Variants in DAAM2 observed in about 807,000 individuals in gnomAD.
DAAM2 encodes dishevelled associated activator of morphogenesis 2, also known as disheveled-associated activator of morphogenesis 2.
DAAM2 carries 39 observed loss-of-function variants against 120.7 expected under a neutral mutation model. The ratio of observed to expected loss-of-function variants is 0.32; its 90% confidence interval spans 0.25 to 0.42. DAAM2 has a LOEUF of 0.42. Among genes scored for constraint, DAAM2 ranks in the 10% least tolerant of loss-of-function variants. The probability of loss-of-function intolerance (pLI) is 1.00; values close to 1 mark genes in which losing one functional copy is unlikely to be tolerated. For synonymous variants in DAAM2, 488 were observed against 524.9 expected (o/e 0.93, Z 0.96); for missense variants, 1,283 against 1,401.7 (o/e 0.92, Z 1.35).
chr6:39,878,560 A>G lies in DAAM2; in HGVS notation c.1517A>G (p.Glu506Gly). 6.2e-7 allele frequency: 1 copy of G among 1,608,356 alleles called. No homozygotes were observed. The highest frequency in any genetic ancestry group is 8.5e-7 in the Non-Finnish European group (1 of 1,177,540). Residue 506 changes from glutamate to glycine, a missense_variant, in exon 13 of 25, where the codon GAG becomes GGG. By Grantham distance (98) the Glu-to-Gly change is moderately conservative (BLOSUM62 -2). Coordinates refer to ENST00000274867, the MANE Select transcript of DAAM2 (RefSeq NM_001201427.2). The surrounding 1 kb of genome is among the most constrained non-coding windows in gnomAD (Gnocchi z 5.0). Reference protein sequence around the residue: ...ELRQARGQVAELVAQLSELST... With the variant: ...ELRQARGQVAGLVAQLSELST... ...CGCCAGGCTCGGGGACAAGTGGCAGAGCTGGTAGCCCAGCTCAGTGAACTC... is the reference window on the plus strand; with the variant it reads ...CGCCAGGCTCGGGGACAAGTGGCAGGGCTGGTAGCCCAGCTCAGTGAACTC...
chr6:39,826,573 T>C (rs1485767715), intron 1 of DAAM2, among the ~76,000 whole-genome samples: 1 of 152,152 alleles, frequency 6.6e-6, no homozygotes, highest in Non-Finnish European at 1.5e-5. Flanking sequence ...ACATATCCAA[T>C]TTGCCTCACG....
chr6:39,852,555 T>G (rs1402603556), intron 1 of DAAM2, among the ~76,000 whole-genome samples: 1 of 152,206 alleles, frequency 6.6e-6, no homozygotes, highest in East Asian at 1.9e-4. Context: ...GGGCGAGTCT[T>G]ACCTTGCTGG....
intron 1 of DAAM2, among the ~76,000 whole-genome samples, chr6:39,806,346 G>A (rs950339898): frequency 3.3e-5 from 5 of 152,132 alleles, no homozygotes; most frequent in South Asian, 2.1e-4. Flanking sequence ...TGGTCAATAC[G>A]TGGTGCTTCT....
chr6:39,889,654 C>A lies in DAAM2; in HGVS notation c.2145+891C>A, dbSNP rs148726956. On this transcript the variant is annotated intron_variant, in intron 17 of 24. Coordinates refer to ENST00000274867, the MANE Select transcript of DAAM2 (RefSeq NM_001201427.2). Reference sequence around the variant, plus strand: ...TGGAGGCATTGACCCTCCATGCAGTCAAAAATCCACATATAACTTTTGACT... The same window carrying A: ...TGGAGGCATTGACCCTCCATGCAGTAAAAAATCCACATATAACTTTTGACT... Among the ~76,000 whole-genome samples the A allele has an allele frequency of 4.3e-3, 652 of 152,246 alleles. 3 individuals carry two copies. Among genetic ancestry groups the A allele is most frequent in the African/African-American group, 0.014 (586 of 41,530 alleles).
chr6:39,901,586 A>G lies in DAAM2; in HGVS notation c.2982+114A>G. On this transcript the variant is annotated intron_variant, in intron 24 of 24. Transcript: ENST00000274867. The surrounding 1 kb of genome is among the most constrained non-coding windows in gnomAD (Gnocchi z 4.5). ...AGAGACTGAGGAACTGAGGAACACC[A>G]TAGGGGTTGGATGTCAGCCCCAGGA... The G allele has an allele frequency of 2.4e-6, 3 of 1,237,202 alleles. No individual in the cohort carries two copies. The highest frequency in any genetic ancestry group is 2.8e-4 in the Middle Eastern group (1 of 3,528). 76.6% of individuals were successfully genotyped at this position (1,237,202 alleles called of 1,614,324 possible).
intron 2 of DAAM2, among the ~76,000 whole-genome samples, chr6:39,858,046 C>T (rs1040328045): frequency 6.6e-5 from 10 of 151,896 alleles, no homozygotes; most frequent in Non-Finnish European, 1.0e-4. Context: ...ACATTTCCAC[C>T]GAGATGATTA....
In DAAM2 at chr6:39,891,841, AAAAC is replaced by A. The variant is rs1765742676; in HGVS notation, c.2341+123_2341+126del. On this transcript the variant is annotated intron_variant, in intron 19 of 24. Transcript: ENST00000274867. ...CTTTCTTATTCTCAACCCAAAAACA[AAAAC>A]AAAAAGTCAAAGACAAAATCTAAAA... 11 of 780,294 alleles carry A rather than the reference AAAAC, an allele frequency of 1.4e-5. No individual in the cohort carries two copies. The Admixed American group carries it at 2.1e-4, about 15-fold the overall frequency. 48.3% of individuals were successfully genotyped at this position (780,294 alleles called of 1,614,324 possible). A position where few individuals can be genotyped will look rare whatever the true frequency, so the allele number is the denominator to read the frequency against.
intron 4 of DAAM2, 110 bp downstream of exon 4, chr6:39,864,617 A>G (rs927579745): frequency 1.2e-6 from 1 of 806,688 alleles, no homozygotes; most frequent in Non-Finnish European, 1.9e-6. Context: ...ACTGCTCCTC[A>G]GCGCCCCACT....
chr6:39,852,907 G>A (rs1220014719), intron 1 of DAAM2, among the ~76,000 whole-genome samples: 1 of 152,210 alleles, frequency 6.6e-6, no homozygotes, highest in Non-Finnish European at 1.5e-5. Flanking sequence ...TCCTACTGAT[G>A]AGGAGAAGGA....
At chr6:39,816,785 C>T (rs1170290729) in intron 1 of DAAM2, among the ~76,000 whole-genome samples, 2 of 152,182 alleles carry the variant, frequency 1.3e-5, no homozygotes, top group Non-Finnish European at 2.9e-5. Context: ...TCAAAGGCTC[C>T]ACACTTAACC....
At chr6:39,833,443 T>G (rs955612372) in intron 1 of DAAM2, among the ~76,000 whole-genome samples, 18 of 152,124 alleles carry the variant, frequency 1.2e-4, no homozygotes, top group African/African-American at 4.1e-4. Context: ...TGGCTGAGAT[T>G]ATGAGTGTGC....
At chr6:39,844,992 T>C (rs202214166) in intron 1 of DAAM2, among the ~76,000 whole-genome samples, 1 of 133,120 alleles carries the variant, frequency 7.5e-6, no homozygotes, top group Admixed American at 7.5e-5. Context: ...TCACACACAC[T>C]ACACACACCA....
At chr6:39,887,623 T>A in intron 16 of DAAM2, 31 bp downstream of exon 16, 1 of 1,498,284 alleles carries the variant, frequency 6.7e-7, no homozygotes, top group Non-Finnish European at 9.3e-7. Context: ...TTGAGTTGGA[T>A]GCCTGGGGGA....
intron 1 of DAAM2, chr6:39,848,786 C>T (rs1763694735): frequency 1.3e-5 from 2 of 152,242 alleles, no homozygotes; most frequent in South Asian, 4.1e-4. Context: ...GCCTGAGGCT[C>T]ACAGTACAAG....
rs1194969239 is a variant in DAAM2 at position 39,798,697 on chromosome 6, G to A, written c.-57+6232G>A. On this transcript the variant is annotated intron_variant, in intron 1 of 24. Transcript: ENST00000274867. ...ATCTAGTCTCAAGAACAGTGCACCT[G>A]TATACATAGTTCTTTCTACCTGAAA... Among the ~76,000 whole-genome samples the A allele has an allele frequency of 2.6e-5, 4 of 151,244 alleles. No individual in the cohort carries two copies. In the South Asian group the frequency reaches 6.5e-4, roughly 25 times the overall value.
chr6:39,802,746 T>G (rs1299336640), intron 1 of DAAM2, among the ~76,000 whole-genome samples: 1 of 152,198 alleles, frequency 6.6e-6, no homozygotes, highest in Non-Finnish European at 1.5e-5. Flanking sequence ...TTATTTTGTC[T>G]TAACTTTTTA....
intron 11 of DAAM2, among the ~76,000 whole-genome samples, chr6:39,877,977 A>C (rs538578305): frequency 4.6e-5 from 7 of 152,286 alleles, no homozygotes; most frequent in African/African-American, 1.7e-4. Flanking sequence ...GCCGGGTTAT[A>C]GGGTATCTAA....
chr6:39,836,059 G>A (rs1041022274), intron 1 of DAAM2, among the ~76,000 whole-genome samples: 1 of 152,096 alleles, frequency 6.6e-6, no homozygotes, highest in African/African-American at 2.4e-5. Context: ...AAGGGGAGGA[G>A]GGGAAACATA....
At chr6:39,867,379 T>C in intron 5 of DAAM2, 131 bp from the exon 6 acceptor site, 2 of 768,102 alleles carry the variant, frequency 2.6e-6, no homozygotes, top group Non-Finnish European at 4.3e-6. Flanking sequence ...TTAGATAAAC[T>C]ACGAATAAAC....
Sources: gnomAD v4.1 joint callset for allele counts (sites outside exome capture counted in the v4.1 genomes callset) on GRCh38, gnomAD v4.1.1 for gene constraint, Gnocchi (gnomAD v3.1) non-coding constraint, MANE v1.5 for transcripts, NCBI Gene and HGNC (gene_info 2026-07-23, HGNC 2026-07-21) for gene names.